The following TMTC1 variants were observed in gnomAD, a reference collection of about 807,000 sequenced individuals.
TMTC1 encodes transmembrane O-mannosyltransferase targeting cadherins 1.
TMTC1 carries 73 observed loss-of-function variants against 104.8 expected under a neutral mutation model. The ratio of observed to expected loss-of-function variants is 0.70; its 90% CI spans 0.58 to 0.85. The LOEUF is 0.85. TMTC1 is among the 40% of genes least tolerant of loss of function. The pLI, the probability that TMTC1 is intolerant of heterozygous loss-of-function variation, is 0.00. For missense variants in TMTC1, 1,035 were observed against 1,096.1 expected (o/e 0.94, Z 0.79); for synonymous variants, 434 against 428.7 (o/e 1.01, Z -0.15).
At chr12:29,528,177 G>A (rs1235445265) in intron 11 of TMTC1, among the ~76,000 whole-genome samples, 1 of 152,058 alleles carries the variant, frequency 6.6e-6, no homozygotes, top group Non-Finnish European at 1.5e-5. Flanking sequence ...GCTCAATTTC[G>A]AGCACTCATT....
intron 10 of TMTC1, among the ~76,000 whole-genome samples, chr12:29,548,441 G>A (rs753194568): frequency 2.6e-5 from 4 of 152,200 alleles, no homozygotes; most frequent in African/African-American, 9.6e-5. Flanking sequence ...AGAGGGACCC[G>A]GTGGGAAGTA....
At chr12:29,612,615 A>G (rs1946874176) in intron 6 of TMTC1, among the ~76,000 whole-genome samples, 1 of 151,944 alleles carries the variant, frequency 6.6e-6, no homozygotes, top group African/African-American at 2.4e-5. Context: ...AGTTTCCACC[A>G]TGTTGGCCAA....
chr12:29,758,368 A>G (rs73077438), intron 3 of TMTC1, among the ~76,000 whole-genome samples: 321 of 152,354 alleles, frequency 2.1e-3, no homozygotes, highest in Non-Finnish European at 3.7e-3. Flanking sequence ...AGGCAAATAA[A>G]AGAGAACATT....
At chr12:29,758,506 C>T (rs1943267976) in intron 3 of TMTC1, among the ~76,000 whole-genome samples, 198 bp downstream of exon 3, 1 of 152,096 alleles carries the variant, frequency 6.6e-6, no homozygotes, top group African/African-American at 2.4e-5. Flanking sequence ...CTTTAAGGTG[C>T]TACAGTGTGG....
intron 9 of TMTC1, among the ~76,000 whole-genome samples, chr12:29,563,638 C>T (rs1945434390): frequency 6.6e-6 from 1 of 152,144 alleles, no homozygotes; most frequent in Non-Finnish European, 1.5e-5. Flanking sequence ...AAGAGCTCTG[C>T]CATTGAGAAA....
rs556091722 is a variant in TMTC1 at position 29,605,320 on chromosome 12, C to T, written c.1129-1021G>A. Reference sequence around the variant, plus strand: ...AATACTTTAACTATACAAAGTATAACGATTTTAAACATCTTGGGATACTTG... The same window carrying T: ...AATACTTTAACTATACAAAGTATAATGATTTTAAACATCTTGGGATACTTG... On this transcript the variant is annotated intron_variant, in intron 6 of 17. Coordinates refer to ENST00000539277, the MANE Select transcript of TMTC1 (RefSeq NM_001193451.2). Among the ~76,000 whole-genome samples, 10 of 151,946 alleles carry T rather than the reference C, an allele frequency of 6.6e-5. No homozygotes were observed. In the East Asian group the frequency reaches 7.7e-4, roughly 12 times the overall value.
intron 7 of TMTC1, among the ~76,000 whole-genome samples, chr12:29,596,664 A>G (rs764175703): frequency 5.3e-5 from 8 of 152,248 alleles, no homozygotes; most frequent in Non-Finnish European, 1.2e-4. Flanking sequence ...GAAAATGCAC[A>G]TCAACCTTTC....
intron 10 of TMTC1, 79 bp from the exon 11 acceptor site, chr12:29,536,396 A>G: frequency 3.3e-6 from 3 of 911,546 alleles, no homozygotes; most frequent in South Asian, 1.5e-5. Flanking sequence ...GACTCTAAAA[A>G]TCTCATTTCT....
chr12:29,738,530 T>C (rs567473379), intron 5 of TMTC1, among the ~76,000 whole-genome samples: 24 of 152,358 alleles, frequency 1.6e-4, no homozygotes, highest in African/African-American at 3.6e-4. Flanking sequence ...GAGCTTCCAA[T>C]TGATCAAGCC....
intron 5 of TMTC1, among the ~76,000 whole-genome samples, chr12:29,706,767 T>C (rs1228290871): frequency 6.6e-6 from 1 of 152,192 alleles, no homozygotes; most frequent in Non-Finnish European, 1.5e-5. Flanking sequence ...TCAATGTGGG[T>C]ATTTTTTGAT....
intron 5 of TMTC1, among the ~76,000 whole-genome samples, chr12:29,718,750 G>C (rs538785739): frequency 6.6e-6 from 1 of 151,996 alleles, no homozygotes; most frequent in African/African-American, 2.4e-5. Flanking sequence ...TGGCTAACAC[G>C]GTGAAACCCC....
intron 5 of TMTC1, among the ~76,000 whole-genome samples, chr12:29,715,365 G>T (rs1942047188): frequency 6.6e-6 from 1 of 152,084 alleles, no homozygotes; most frequent in Non-Finnish European, 1.5e-5. Context: ...GTATATAAAT[G>T]AAAAAGTGTG....
intron 9 of TMTC1, among the ~76,000 whole-genome samples, chr12:29,567,939 T>C (rs1254237948): frequency 6.6e-6 from 1 of 152,194 alleles, no homozygotes; most frequent in East Asian, 1.9e-4. Context: ...TTAAACATGG[T>C]TAGATTTCTT....
chr12:29,552,990 A>G (rs1486809101), intron 10 of TMTC1, among the ~76,000 whole-genome samples: 1 of 152,196 alleles, frequency 6.6e-6, no homozygotes. Flanking sequence ...TCTAAGTGCT[A>G]TTTTCTGGGT....
At chr12:29,753,766 G>C (rs1409169008) in intron 4 of TMTC1, among the ~76,000 whole-genome samples, 1 of 152,210 alleles carries the variant, frequency 6.6e-6, no homozygotes, top group Non-Finnish European at 1.5e-5. Flanking sequence ...CTTGCTCTTG[G>C]CTAGGCAGAA....
At chr12:29,724,371 C>A (rs551251948) in intron 5 of TMTC1, among the ~76,000 whole-genome samples, 4 of 152,216 alleles carry the variant, frequency 2.6e-5, no homozygotes, top group African/African-American at 9.6e-5. Flanking sequence ...GATACACATG[C>A]CCTATGACCT....
intron 8 of TMTC1, among the ~76,000 whole-genome samples, chr12:29,574,955 G>A (rs1256878216): frequency 2.0e-5 from 3 of 152,132 alleles, no homozygotes; most frequent in African/African-American, 4.8e-5. Flanking sequence ...TGCCTACAGG[G>A]TTTACTTTCT....
At chr12:29,633,794 T>G (rs1456335522) in intron 5 of TMTC1, among the ~76,000 whole-genome samples, 2 of 152,094 alleles carry the variant, frequency 1.3e-5, no homozygotes, top group Admixed American at 6.5e-5. Context: ...GGAGATAATA[T>G]GTGGTAGGAG....
chr12:29,660,549 G>A (rs551743072), intron 5 of TMTC1, among the ~76,000 whole-genome samples: 80 of 152,258 alleles, frequency 5.3e-4, no homozygotes, highest in African/African-American at 1.8e-3. Flanking sequence ...TCAGCATCTT[G>A]AAAGGGACTC....
Sources: allele counts gnomAD v4.1 joint callset (sites outside exome capture counted in the v4.1 genomes callset), GRCh38; gene constraint gnomAD v4.1.1; transcripts MANE v1.5; gene names NCBI Gene and HGNC (gene_info 2026-07-23, HGNC 2026-07-21).